TNPO3: variants seen among roughly 807,000 people sequenced by gnomAD.
TNPO3 encodes the protein transportin-3.
In TNPO3, 65 loss-of-function variants were observed where a neutral mutation model predicts 122.8. The ratio of observed to expected loss-of-function variants is 0.53; its 90% confidence interval spans 0.43 to 0.65. The LOEUF (loss-of-function observed/expected upper bound fraction) is 0.65, where lower values mean the gene tolerates loss of function less well. TNPO3 is among the 30% of genes least tolerant of loss of function. The probability of loss-of-function intolerance (pLI) is 0.00; values close to 1 mark genes in which losing one functional copy is unlikely to be tolerated. For missense variants in TNPO3, 850 were observed against 1,136.7 expected (o/e 0.75, Z 3.63); for synonymous variants, 372 against 411.2 (o/e 0.90, Z 1.15).
At chr7:128,994,285 G>C (rs1434976597) in intron 8 of TNPO3, among the ~76,000 whole-genome samples, 3 of 151,854 alleles carry the variant, frequency 2.0e-5, no homozygotes, top group Non-Finnish European at 2.9e-5. Flanking sequence ...AGCCTCCCAG[G>C]TAACTGGGAT....
chr7:128,964,117 C>A (rs980335496), intron 21 of TNPO3, among the ~76,000 whole-genome samples: 1 of 151,992 alleles, frequency 6.6e-6, no homozygotes, highest in Non-Finnish European at 1.5e-5. Context: ...CTGAAAACTA[C>A]AAAATGTAGC....
intron 6 of TNPO3, 45 bp downstream of exon 6, chr7:129,001,014 A>AGAC (rs1801886217): frequency 6.3e-7 from 1 of 1,591,374 alleles, no homozygotes; most frequent in Non-Finnish European, 8.6e-7. Flanking sequence ...AAGAATGACC[A>AGAC]GACTGTAGGT....
At chr7:129,017,274 T>TA (rs371582191) in intron 2 of TNPO3, among the ~76,000 whole-genome samples, 14 of 150,722 alleles carry the variant, frequency 9.3e-5, no homozygotes, top group Admixed American at 2.0e-4. Context: ...CTTTAAAAAC[T>TA]AAAAAAAAAG....
chr7:128,966,045 T>C (rs571968224), intron 21 of TNPO3, among the ~76,000 whole-genome samples: 11 of 152,340 alleles, frequency 7.2e-5, no homozygotes, highest in Non-Finnish European at 1.5e-4. Context: ...GAACTATGCA[T>C]TTATAAAAAT....
At chr7:129,031,551 T>C (rs1805952710) in intron 1 of TNPO3, among the ~76,000 whole-genome samples, 1 of 152,110 alleles carries the variant, frequency 6.6e-6, no homozygotes, top group Non-Finnish European at 1.5e-5. Context: ...AAATCAGTAA[T>C]GAAAAACTTC....
chr7:129,047,639 C>T (rs1486258851), intron 1 of TNPO3, among the ~76,000 whole-genome samples: 3 of 152,316 alleles, frequency 2.0e-5, no homozygotes, highest in East Asian at 1.9e-4. Flanking sequence ...CTCTATACCA[C>T]GTCTACTGTC....
intron 8 of TNPO3, among the ~76,000 whole-genome samples, chr7:128,995,737 T>C (rs548307397): frequency 1.5e-3 from 221 of 152,236 alleles, no homozygotes; most frequent in Admixed American, 2.4e-3. Flanking sequence ...CTTGCTCTAC[T>C]GCCCAGGCTG....
At chr7:129,037,874 AG>A in intron 1 of TNPO3, among the ~76,000 whole-genome samples, 2 of 152,300 alleles carry the variant, frequency 1.3e-5, no homozygotes, top group Middle Eastern at 6.8e-3. Flanking sequence ...CACTGAGAGA[AG>A]GGAAAAAAAA....
At chr7:129,033,720 C>G (rs1316520303) in intron 1 of TNPO3, among the ~76,000 whole-genome samples, 2 of 151,978 alleles carry the variant, frequency 1.3e-5, no homozygotes, top group Non-Finnish European at 2.9e-5. Flanking sequence ...CGAGACCAGC[C>G]TGGCCAACAT....
At chr7:129,050,330 G>C (rs1055666037) in intron 1 of TNPO3, among the ~76,000 whole-genome samples, 2 of 143,486 alleles carry the variant, frequency 1.4e-5, no homozygotes, top group Non-Finnish European at 3.0e-5. Context: ...CTTGCAGTGA[G>C]CTGAGATGGC....
intron 13 of TNPO3, 139 bp downstream of exon 13, chr7:128,984,029 A>T: frequency 1.9e-6 from 1 of 518,194 alleles, no homozygotes; most frequent in East Asian, 3.2e-5. Flanking sequence ...CTTTGATTAC[A>T]TTAATTTTAA....
chr7:129,020,433 G>C (rs1381110703), intron 1 of TNPO3, among the ~76,000 whole-genome samples: 2 of 151,990 alleles, frequency 1.3e-5, no homozygotes, highest in African/African-American at 4.8e-5. Flanking sequence ...CTTTGCTCAT[G>C]TTAATATCTT....
intron 10 of TNPO3, 38 bp from the exon 11 acceptor site, chr7:128,990,138 CAG>C (rs1224837168): frequency 1.2e-6 from 2 of 1,613,722 alleles, no homozygotes; most frequent in African/African-American, 1.3e-5. Context: ...TTACTGATTT[CAG>C]AGGTTATATT....
intron 4 of TNPO3, among the ~76,000 whole-genome samples, chr7:129,014,187 C>T (rs1803564432): frequency 1.3e-5 from 2 of 152,178 alleles, no homozygotes; most frequent in African/African-American, 2.4e-5. Context: ...TTGATCATCA[C>T]CTGATTTGAT....
At chr7:128,972,378 TAGG>T in intron 19 of TNPO3, 45 bp downstream of exon 19, 6 of 1,569,990 alleles carry the variant, frequency 3.8e-6, no homozygotes, top group Non-Finnish European at 5.2e-6. Context: ...GACAAAGAGA[TAGG>T]AGATAAAAGC....
chr7:128,975,094 T>G (rs1798922164), intron 17 of TNPO3, 132 bp from the exon 18 acceptor site: 1 of 685,292 alleles, frequency 1.5e-6, no homozygotes, highest in Non-Finnish European at 2.5e-6. Flanking sequence ...AGAAAAAGAT[T>G]GTAATGAGAA....
chr7:128,975,799 A>C lies in TNPO3; in HGVS notation c.2178+20T>G. The C allele has an allele frequency of 6.6e-7, 1 of 1,518,522 alleles. No individual in the cohort carries two copies. 94.1% of individuals were successfully genotyped at this position (1,518,522 alleles called of 1,614,324 possible). On this transcript the variant is annotated intron_variant, in intron 17 of 22. Transcript: ENST00000265388. The stretch of plus-strand genomic sequence containing the variant: ...GACCCTCTAGGCCTGATGCGTCTAC[A>C]CTCCTCATGGAAAAGATACCTGGAG...
intron 1 of TNPO3, among the ~76,000 whole-genome samples, chr7:129,038,686 A>G (rs1269568296): frequency 6.6e-6 from 1 of 152,244 alleles, no homozygotes; most frequent in African/African-American, 2.4e-5. Context: ...CTGCAGGAAC[A>G]TGGATGGCGC....
intron 21 of TNPO3, among the ~76,000 whole-genome samples, chr7:128,966,054 A>AAACCC (rs1797899297): frequency 6.6e-6 from 1 of 152,244 alleles, no homozygotes; most frequent in Non-Finnish European, 1.5e-5. Flanking sequence ...ATTTATAAAA[A>AAACCC]TGGTTAATAC....
Sources: allele counts gnomAD v4.1 joint callset (sites outside exome capture counted in the v4.1 genomes callset), GRCh38; gene constraint gnomAD v4.1.1; transcripts MANE v1.5; gene names NCBI Gene and HGNC (gene_info 2026-07-23, HGNC 2026-07-21).